The following COL5A1 variants were observed in gnomAD, a reference collection of about 807,000 sequenced individuals.
The protein encoded by COL5A1 is collagen type V alpha 1 chain, also known as collagen alpha-1(V) chain.
In COL5A1, 16 loss-of-function variants were observed where a neutral mutation model predicts 263.7. The ratio of observed to expected loss-of-function variants is 0.06; its 90% CI spans 0.04 to 0.09. COL5A1 has a LOEUF of 0.09. Ranked by LOEUF, COL5A1 falls within the 10% of genes least tolerant of loss-of-function variation. COL5A1 has a pLI of 1.00. For missense variants in COL5A1, 2,036 were observed against 2,540.5 expected (o/e 0.80, Z 4.27); for synonymous variants, 1,012 against 1,004.5 (o/e 1.01, Z -0.14).
At chr9:134,827,934 G>A (rs1282007127) in intron 63 of COL5A1, among the ~76,000 whole-genome samples, 1 of 152,224 alleles carries the variant, frequency 6.6e-6, no homozygotes, top group Non-Finnish European at 1.5e-5. Context: ...GGCGTGAGAG[G>A]CAGATGGGAC....
At position 134,835,117 on chromosome 9, in the gene COL5A1, C is replaced by A; in HGVS notation, c.5283C>A (p.Asp1761Glu). 1 of 1,613,858 alleles carries A rather than the reference C, an allele frequency of 6.2e-7. No individual in the cohort carries two copies. The highest frequency in any genetic ancestry group is 8.5e-7 in the Non-Finnish European group (1 of 1,180,036). ...AGGACGCAGCCACGGGCAGCTACGA[C>A]AAGGCCCTCCGCTTCCTGGGCTCCA... ...AWQDAATGSYDKALRFLGSND... is the reference protein window; with the variant it reads ...AWQDAATGSYEKALRFLGSND... Residue 1761 changes from aspartate to glutamate, a missense_variant, in exon 65 of 66, where the codon GAC becomes GAA. Around this residue, in one of 3 missense-constraint regions of COL5A1, gnomAD observed 358 missense variants for 384.6 expected, o/e 0.93. Transcript: ENST00000371817.
intron 4 of COL5A1, among the ~76,000 whole-genome samples, chr9:134,705,663 G>A (rs889117380): frequency 2.0e-5 from 3 of 152,200 alleles, no homozygotes; most frequent in Non-Finnish European, 4.4e-5. Flanking sequence ...TCCAAGGGCC[G>A]CAGGGAACCA....
In COL5A1 at chr9:134,753,854, C is replaced by T. The variant is rs1192447986; in HGVS notation, c.1724C>T (p.Pro575Leu). Reference sequence around the variant, plus strand: ...ACACACACCATGTCTCCCTAGGGTCCCCCTGGGAGCGGAGGTTTGAAGGGC... The same window carrying T: ...ACACACACCATGTCTCCCTAGGGTCTCCCTGGGAGCGGAGGTTTGAAGGGC... ...GLTGRPGPVG[P>L]PGSGGLKGEP... The change falls in exon 15 of 66, where the codon CCC becomes CTC. Residue 575 changes from proline (P) to leucine (L), a missense_variant. Around this residue, in one of 3 missense-constraint regions of COL5A1, gnomAD observed 1,078 missense variants for 1,521.4 expected, o/e 0.71. Coordinates refer to ENST00000371817, the MANE Select transcript of COL5A1 (RefSeq NM_000093.5). 2 of 1,613,298 alleles carry T rather than the reference C, an allele frequency of 1.2e-6. No homozygotes were observed. Among genetic ancestry groups the T allele is most frequent in the Non-Finnish European group, 1.7e-6 (2 of 1,179,652 alleles).
chr9:134,691,462 C>T (rs1405239770), intron 2 of COL5A1: 5 of 276,284 alleles, frequency 1.8e-5, no homozygotes, highest in South Asian at 4.9e-5. Flanking sequence ...GAAGCACTTC[C>T]AGACAGAAGC....
rs972933435 is a variant in COL5A1 at position 134,754,138 on chromosome 9, TC to T, written c.1774-131del. 99 of 951,752 alleles carry T rather than the reference TC, an allele frequency of 1.0e-4. No individual in the cohort carries two copies. The highest frequency in any genetic ancestry group is 6.2e-4 in the Middle Eastern group (3 of 4,838). 59.0% of individuals were successfully genotyped at this position (951,752 alleles called of 1,614,324 possible). A position where few individuals can be genotyped will look rare whatever the true frequency, so the allele number is the denominator to read the frequency against. On this transcript the variant is annotated intron_variant, in intron 15 of 65. Coordinates refer to ENST00000371817, the MANE Select transcript of COL5A1 (RefSeq NM_000093.5). The surrounding 1 kb of genome is among the most constrained non-coding windows in gnomAD (Gnocchi z 4.3). ...TTCTGGGCAGCAGATCCGTGTCCCG[TC>T]CCCGAAGTGCCCACATGTTTGTGGC...
At chr9:134,746,532 T>A (rs1198194593) in intron 11 of COL5A1, among the ~76,000 whole-genome samples, 1 of 152,232 alleles carries the variant, frequency 6.6e-6, no homozygotes, top group Non-Finnish European at 1.5e-5. Context: ...AGCCACTTTG[T>A]GAGGCATCTG....
chr9:134,739,173 A>G (rs111753643), intron 11 of COL5A1, among the ~76,000 whole-genome samples: 6,224 of 152,074 alleles, frequency 0.041, 202 homozygotes, highest in African/African-American at 0.08. Flanking sequence ...GGAATTGGCC[A>G]CCCCCCTTGC....
At chr9:134,750,995 G>A (rs1835757046) in intron 13 of COL5A1, 113 bp downstream of exon 13, 1 of 933,800 alleles carries the variant, frequency 1.1e-6, no homozygotes, top group East Asian at 2.6e-5. Context: ...CAGCTGTCTT[G>A]ATCCCAGAAT....
chr9:134,807,148 C>T (rs970699850), intron 42 of COL5A1, among the ~76,000 whole-genome samples: 1 of 152,248 alleles, frequency 6.6e-6, no homozygotes, highest in Non-Finnish European at 1.5e-5. Flanking sequence ...TGCATTCAAT[C>T]AGCTCTGGAG....
rs41306393 is a variant in COL5A1 at position 134,762,160 on chromosome 9, C to T, written c.1989+182C>T. On this transcript the variant is annotated intron_variant, in intron 19 of 65. Transcript: ENST00000371817. ...CGATTGATCAGATGCCAAGAGGCTG[C>T]GGGGCATTGGAGAGACCCTGACTGC... Among the ~76,000 whole-genome samples the T allele has an allele frequency of 5.2e-3, 793 of 152,278 alleles. 5 individuals carry two copies. Among genetic ancestry groups the T allele is most frequent in the Admixed American group, 7.3e-3 (112 of 15,300 alleles).
chr9:134,738,834 G>T, intron 11 of COL5A1, 26 bp downstream of exon 11: 2 of 1,601,422 alleles, frequency 1.2e-6, no homozygotes, highest in Non-Finnish European at 1.7e-6. Context: ...TGTTTCCTGA[G>T]ATCACACAAG....
Position 134,732,141 on chromosome 9 carries a change from C to T in COL5A1, c.1389+14C>T, listed in dbSNP as rs1219979772. On this transcript the variant is annotated intron_variant, in intron 9 of 65. Coordinates refer to ENST00000371817, the MANE Select transcript of COL5A1 (RefSeq NM_000093.5). ...ATTATCGAGCCGGTGAGGACATTTT[C>T]TCATTCCCTCCCTGCGCCGGGGTGT... 1 of 1,614,034 alleles carries T rather than the reference C, an allele frequency of 6.2e-7. No individual in the cohort carries two copies. The highest frequency in any genetic ancestry group is 8.5e-7 in the Non-Finnish European group (1 of 1,179,984).
chr9:134,788,650 C>CAGATAGATGGATAGAG (rs1837558281), intron 31 of COL5A1, among the ~76,000 whole-genome samples: 12 of 146,586 alleles, frequency 8.2e-5, no homozygotes, highest in South Asian at 2.2e-4. Flanking sequence ...GATGGATAGA[C>CAGATAGATGGATAGAG]AGATAGATGG....
At chr9:134,735,173 A>G (rs1835052135) in intron 9 of COL5A1, among the ~76,000 whole-genome samples, 2 of 151,144 alleles carry the variant, frequency 1.3e-5, no homozygotes, top group Admixed American at 6.6e-5. Flanking sequence ...AGATTGCGCC[A>G]CTGCACTCCA....
chr9:134,707,342 T>G (rs1833871078), intron 4 of COL5A1, among the ~76,000 whole-genome samples: 1 of 152,236 alleles, frequency 6.6e-6, no homozygotes, highest in African/African-American at 2.4e-5. Context: ...CTCCAAGCTC[T>G]AACGGTCCTC....
chr9:134,786,390 C>T (rs943707810), intron 31 of COL5A1, among the ~76,000 whole-genome samples: 16 of 152,164 alleles, frequency 1.1e-4, no homozygotes, highest in East Asian at 7.7e-4. Flanking sequence ...ATTAATTTGC[C>T]GAGTTGAAAG....
In COL5A1 at chr9:134,812,490, C is replaced by T. The variant is rs377422775; in HGVS notation, c.3732C>T (p.Asp1244=). The T allele has an allele frequency of 2.2e-5, 36 of 1,613,940 alleles. No individual in the cohort carries two copies. Among genetic ancestry groups the T allele is most frequent in the South Asian group, 7.7e-5 (7 of 91,086 alleles). The stretch of plus-strand genomic sequence containing the variant: ...CAGGCGAGAAGGGTGAGACAGGAGA[C>T]GTGGGCCAGATGGTAAGTGTGCCTG... ...GPPGEKGETG[D]VGQMGPPGPP... The change falls in exon 47 of 66, where the codon GAC becomes GAT. Residue 1244 remains aspartate, a synonymous_variant. Transcript: ENST00000371817.
intron 1 of COL5A1, among the ~76,000 whole-genome samples, chr9:134,685,308 CCATCCATCCATT>C (rs1564386235): frequency 6.2e-5 from 9 of 144,218 alleles, no homozygotes; most frequent in African/African-American, 2.3e-4. Flanking sequence ...CATCCATCCA[CCATCCATCCATT>C]CATCCATCCA....
intron 63 of COL5A1, among the ~76,000 whole-genome samples, chr9:134,827,448 C>T (rs1445723497): frequency 6.6e-6 from 1 of 152,244 alleles, no homozygotes; most frequent in Non-Finnish European, 1.5e-5. Context: ...CGGGGGCCTT[C>T]CATCTCGGCT....
Sources: allele counts gnomAD v4.1 joint callset (sites outside exome capture counted in the v4.1 genomes callset), GRCh38; gene constraint gnomAD v4.1.1; regional missense constraint gnomAD v4.1.1; non-coding constraint Gnocchi (gnomAD v3.1); transcripts MANE v1.5; gene names NCBI Gene and HGNC (gene_info 2026-07-23, HGNC 2026-07-21).